The following LPGAT1 variants were observed in gnomAD, a reference collection of about 807,000 sequenced individuals.
The protein encoded by LPGAT1 is acyl-CoA:lysophosphatidylglycerol acyltransferase 1.
In LPGAT1, 11 loss-of-function variants were observed where a neutral mutation model predicts 47.5. That is an observed-to-expected ratio of 0.23 (90% confidence interval 0.15 to 0.38). The LOEUF is 0.38. Ranked by LOEUF, LPGAT1 falls within the 10% of genes least tolerant of loss-of-function variation. The probability of loss-of-function intolerance (pLI) is 1.00; values close to 1 mark genes in which losing one functional copy is unlikely to be tolerated. For synonymous variants in LPGAT1, 138 were observed against 144.2 expected, an observed-to-expected ratio of 0.96 and a Z score of 0.31; for missense variants, 293 against 439.0, an observed-to-expected ratio of 0.67 and a Z score of 2.97.
At chr1:211,765,624 A>C (rs562367055) in intron 6 of LPGAT1, among the ~76,000 whole-genome samples, 2 of 152,218 alleles carry the variant, frequency 1.3e-5, no homozygotes, top group Non-Finnish European at 2.9e-5. Flanking sequence ...ACCCCCAAAG[A>C]GTCAAGGAGG....
chr1:211,791,809 T>C (rs899874692), intron 3 of LPGAT1, among the ~76,000 whole-genome samples: 2 of 148,726 alleles, frequency 1.3e-5, no homozygotes, highest in Non-Finnish European at 3.0e-5. Flanking sequence ...TTGTTTGTGA[T>C]ACCCTTCTTC....
chr1:211,761,808 G>A (rs990023293), intron 6 of LPGAT1, among the ~76,000 whole-genome samples: 4 of 152,140 alleles, frequency 2.6e-5, no homozygotes, highest in African/African-American at 9.7e-5. Flanking sequence ...TTTCTAACAC[G>A]TGTGCTATAC....
chr1:211,807,951 A>G (rs886430733), intron 2 of LPGAT1, among the ~76,000 whole-genome samples: 1 of 152,224 alleles, frequency 6.6e-6, no homozygotes, highest in Non-Finnish European at 1.5e-5. Flanking sequence ...AAAAAAATCA[A>G]TAAATTAGAC....
intron 6 of LPGAT1, among the ~76,000 whole-genome samples, chr1:211,765,384 G>C (rs997175636): frequency 2.0e-5 from 3 of 152,042 alleles, no homozygotes; most frequent in African/African-American, 7.2e-5. Flanking sequence ...AAAAGATCTA[G>C]GTAGTCCTTC....
chr1:211,819,951 C>A (rs1024016714), intron 2 of LPGAT1, among the ~76,000 whole-genome samples: 2 of 152,158 alleles, frequency 1.3e-5, no homozygotes, highest in Admixed American at 1.3e-4. Context: ...CACCACTACA[C>A]TCCAGCCTGA....
At chr1:211,783,198 A>G in intron 5 of LPGAT1, 31 bp downstream of exon 5, 1 of 1,561,640 alleles carries the variant, frequency 6.4e-7, no homozygotes, top group Non-Finnish European at 8.7e-7. Flanking sequence ...TTTAACTCCA[A>G]CAAGGTAAAA....
chr1:211,808,072 T>G (rs895089380), intron 2 of LPGAT1, among the ~76,000 whole-genome samples: 2 of 134,976 alleles, frequency 1.5e-5, no homozygotes, highest in African/African-American at 5.1e-5. Context: ...CCCAAGTATA[T>G]AGAAAACTCA....
Position 211,813,433 on chromosome 1 carries a change from C to G in LPGAT1, c.238+15626G>C, listed in dbSNP as rs2102591319. Reference sequence around the variant, plus strand: ...GTTTAGACAAGGTTAGAAATTATGACTACGAAGCAGGGGTCCTCAAACTTT... The same window carrying G: ...GTTTAGACAAGGTTAGAAATTATGAGTACGAAGCAGGGGTCCTCAAACTTT... On this transcript the variant is annotated intron_variant, in intron 2 of 7. Transcript: ENST00000366997. 1.3e-5 allele frequency among the ~76,000 whole-genome samples: 2 copies of G among 152,266 alleles called. 1 individual carries two copies. The highest frequency in any genetic ancestry group is 3.9e-4 in the East Asian group (2 of 5,188).
chr1:211,820,052 G>A (rs1264221320), intron 2 of LPGAT1, among the ~76,000 whole-genome samples: 1 of 151,968 alleles, frequency 6.6e-6, no homozygotes, highest in Non-Finnish European at 1.5e-5. Flanking sequence ...TCCAATCACA[G>A]CTGCAAAGGA....
intron 4 of LPGAT1, among the ~76,000 whole-genome samples, chr1:211,786,303 C>T (rs1658876415): frequency 6.6e-6 from 1 of 152,216 alleles, no homozygotes; most frequent in South Asian, 2.1e-4. Context: ...TTAGAAGTTT[C>T]TCTACTCAAT....
At chr1:211,801,582 C>T (rs918755587) in intron 2 of LPGAT1, among the ~76,000 whole-genome samples, 3 of 151,908 alleles carry the variant, frequency 2.0e-5, no homozygotes, top group Non-Finnish European at 4.4e-5. Flanking sequence ...ACTGGGCATG[C>T]TTATAGTCCT....
chr1:211,750,123 A>T, intron 7 of LPGAT1, 73 bp from the exon 8 acceptor site: 1 of 1,316,526 alleles, frequency 7.6e-7, no homozygotes, highest in Non-Finnish European at 1.1e-6. Context: ...GTTGAATATT[A>T]GCTTAACTAC....
intron 2 of LPGAT1, among the ~76,000 whole-genome samples, chr1:211,816,065 G>A (rs1660164544): frequency 6.6e-6 from 1 of 152,118 alleles, no homozygotes; most frequent in Non-Finnish European, 1.5e-5. Flanking sequence ...ACAGGCGTGA[G>A]CCACTGCGCC....
At chr1:211,818,810 T>G (rs549080399) in intron 2 of LPGAT1, among the ~76,000 whole-genome samples, 28 of 152,344 alleles carry the variant, frequency 1.8e-4, no homozygotes, top group Middle Eastern at 3.4e-3. Flanking sequence ...TTGATGACAT[T>G]TTCTTACTGC....
intron 1 of LPGAT1, 52 bp from the exon 2 acceptor site, chr1:211,829,375 A>G (rs927988828): frequency 7.5e-6 from 12 of 1,592,814 alleles, no homozygotes; most frequent in East Asian, 2.2e-5. Flanking sequence ...AAATACATCT[A>G]AACAGTCACC....
At chr1:211,773,957 T>G (rs1658281224) in intron 6 of LPGAT1, among the ~76,000 whole-genome samples, 1 of 152,062 alleles carries the variant, frequency 6.6e-6, no homozygotes, top group African/African-American at 2.4e-5. Flanking sequence ...TAAATAATAT[T>G]GGTAAGAAAT....
At chr1:211,812,050 A>G (rs1353573339) in intron 2 of LPGAT1, among the ~76,000 whole-genome samples, 3 of 152,184 alleles carry the variant, frequency 2.0e-5, no homozygotes, top group Non-Finnish European at 4.4e-5. Flanking sequence ...TTCCCTTGAC[A>G]GGATTGTTTT....
chr1:211,808,463 A>G (rs541827751), intron 2 of LPGAT1, among the ~76,000 whole-genome samples: 2 of 152,314 alleles, frequency 1.3e-5, no homozygotes, highest in Admixed American at 6.5e-5. Context: ...ATGGCAAATA[A>G]CTATATGAAA....
At chr1:211,806,533 G>A (rs1468649720) in intron 2 of LPGAT1, among the ~76,000 whole-genome samples, 2 of 152,132 alleles carry the variant, frequency 1.3e-5, no homozygotes, top group African/African-American at 2.4e-5. Flanking sequence ...GGGATGGGAT[G>A]GAGGAAGGGG....
Sources: allele counts gnomAD v4.1 joint callset (sites outside exome capture counted in the v4.1 genomes callset), GRCh38; gene constraint gnomAD v4.1.1; transcripts MANE v1.5; gene names NCBI Gene and HGNC (gene_info 2026-07-23, HGNC 2026-07-21).